The following MMAA variants were observed in gnomAD, a reference collection of about 807,000 sequenced individuals.
MMAA encodes methylmalonic aciduria type A protein, mitochondrial.
Under a neutral mutation model 45.0 loss-of-function variants are expected in MMAA, and 41 were observed. That is an observed-to-expected ratio of 0.91 (90% CI 0.71 to 1.18). The LOEUF (loss-of-function observed/expected upper bound fraction) is 1.18, where lower values mean the gene tolerates loss of function less well. MMAA is among the 50% of genes most tolerant of loss of function. MMAA has a pLI of 0.00. For synonymous variants in MMAA, 154 were observed against 178.2 expected, an observed-to-expected ratio of 0.86 and a Z score of 1.08; for missense variants, 460 against 495.7, an observed-to-expected ratio of 0.93 and a Z score of 0.68.
chr4:145,624,183 T>C, intron 1 of MMAA: 2 of 885,866 alleles, frequency 2.3e-6, no homozygotes, highest in Admixed American at 3.4e-5. Context: ...GAGTTTGATA[T>C]AACCACTTCT....
chr4:145,648,846 C>T (rs978730345), intron 4 of MMAA, among the ~76,000 whole-genome samples: 19 of 152,022 alleles, frequency 1.2e-4, no homozygotes, highest in African/African-American at 4.6e-4. Flanking sequence ...ATTAGCTGGG[C>T]ATGGTGGCAT....
intron 1 of MMAA, among the ~76,000 whole-genome samples, chr4:145,636,787 C>T (rs149738151): frequency 7.5e-4 from 114 of 152,242 alleles, no homozygotes; most frequent in African/African-American, 2.6e-3. Flanking sequence ...TTTGATGTCA[C>T]GTATTTTATT....
intron 1 of MMAA, chr4:145,625,021 C>T: frequency 2.2e-6 from 2 of 920,422 alleles, no homozygotes; most frequent in Non-Finnish European, 1.8e-6. Context: ...TATTATAGGA[C>T]TGGAACAAGA....
chr4:145,654,995 G>T lies in MMAA; in HGVS notation c.970-152G>T, dbSNP rs974443834. ...GGTATATTACCTCAGAATATATATTGGTATATTTACTTTGACACAGCAATA... is the reference window on the plus strand; with the variant it reads ...GGTATATTACCTCAGAATATATATTTGTATATTTACTTTGACACAGCAATA... On this transcript the variant is annotated intron_variant, in intron 6 of 6. Transcript: ENST00000649156. The T allele has an allele frequency of 6.4e-5, 48 of 751,266 alleles. No individual in the cohort carries two copies. In the African/African-American group the frequency reaches 6.5e-4, roughly 10 times the overall value. 46.5% of individuals were successfully genotyped at this position (751,266 alleles called of 1,614,324 possible). A position where few individuals can be genotyped will look rare whatever the true frequency, so the allele number is the denominator to read the frequency against.
rs1209585004 is a variant in MMAA at position 145,655,317 on chromosome 4, G to A, written c.1140G>A (p.Arg380=). ...LIQESVLEHF[R]THPTVREQIP... ...AGGAAAGTGTGTTAGAGCATTTCAG[G>A]ACCCACCCCACAGTCCGGGAACAGA... The change falls in exon 7 of 7, where the codon AGG becomes AGA. Residue 380 remains arginine (R), a synonymous_variant. Transcript: ENST00000649156. 12 of 1,614,130 alleles carry A rather than the reference G, an allele frequency of 7.4e-6. No individual in the cohort carries two copies. The highest frequency in any genetic ancestry group is 1.0e-5 in the Non-Finnish European group (12 of 1,180,020).
At chr4:145,648,389 G>A (rs1482834730) in intron 4 of MMAA, among the ~76,000 whole-genome samples, 5 of 151,962 alleles carry the variant, frequency 3.3e-5, no homozygotes, top group African/African-American at 1.2e-4. Flanking sequence ...CTTGTGATCC[G>A]CCCGCCTCGG....
intron 1 of MMAA, among the ~76,000 whole-genome samples, chr4:145,635,055 C>T (rs1312274885): frequency 6.6e-6 from 1 of 152,074 alleles, no homozygotes; most frequent in Non-Finnish European, 1.5e-5. Flanking sequence ...TTTGCTGCTC[C>T]AGCTGGTGTC....
chr4:145,656,414 T>A lies in MMAA; in HGVS notation c.*980T>A, dbSNP rs1180274966. On this transcript the variant is annotated 3_prime_UTR_variant, in exon 7 of 7. Transcript: ENST00000649156. ...GAGCTAATCTCTTTAAGCTTCCATTTCCTCCCTGGTAAAATGAAATTGGCA... is the reference window on the plus strand; with the variant it reads ...GAGCTAATCTCTTTAAGCTTCCATTACCTCCCTGGTAAAATGAAATTGGCA... 2 of 152,138 alleles carry A rather than the reference T, an allele frequency of 1.3e-5. No individual in the cohort carries two copies. The highest frequency in any genetic ancestry group is 2.9e-5 in the Non-Finnish European group (2 of 68,010). The allele number at this position is 152,138 out of a possible 1,614,324, so 9.4% of individuals were successfully genotyped here.
In MMAA at chr4:145,634,888, C is replaced by G. The variant is rs374899966; in HGVS notation, c.-65-4187C>G. On this transcript the variant is annotated intron_variant, in intron 1 of 6. Transcript: ENST00000649156. ...TGGAAGGGGGACCTCATGACTCTAACTGGTGCCCCATCCTGCTGTGACTGA... is the reference window on the plus strand; with the variant it reads ...TGGAAGGGGGACCTCATGACTCTAAGTGGTGCCCCATCCTGCTGTGACTGA... 9.9e-5 allele frequency among the ~76,000 whole-genome samples: 15 copies of G among 152,074 alleles called. No homozygotes were observed. In the East Asian group the frequency reaches 1.8e-3, roughly 18 times the overall value.
At chr4:145,646,246 A>G in intron 4 of MMAA, 90 bp downstream of exon 4, 2 of 1,436,416 alleles carry the variant, frequency 1.4e-6, no homozygotes, top group South Asian at 1.2e-5. Context: ...CATTCAGCAG[A>G]TATTTGCTAA....
chr4:145,642,990 C>T (rs1727828879), intron 3 of MMAA, among the ~76,000 whole-genome samples: 1 of 152,202 alleles, frequency 6.6e-6, no homozygotes, highest in Non-Finnish European at 1.5e-5. Flanking sequence ...CTGTAATATA[C>T]TGCCATTCCC....
intron 1 of MMAA, among the ~76,000 whole-genome samples, chr4:145,621,598 G>T (rs1443911889): frequency 6.6e-6 from 1 of 152,136 alleles, no homozygotes; most frequent in Non-Finnish European, 1.5e-5. Context: ...TGGTTGGGGG[G>T]GGTGGAATAT....
At chr4:145,625,130 T>C (rs1219314807) in intron 1 of MMAA, 1 of 1,191,062 alleles carries the variant, frequency 8.4e-7, no homozygotes, top group Non-Finnish European at 1.2e-6. Context: ...GTTCATCTCA[T>C]CTCGATCAGG....
At chr4:145,648,706 C>T (rs549559851) in intron 4 of MMAA, among the ~76,000 whole-genome samples, 4 of 152,290 alleles carry the variant, frequency 2.6e-5, no homozygotes, top group Admixed American at 6.5e-5. Context: ...AGACCTAGAG[C>T]GGGCATTGTG....
rs944377457 is a variant in MMAA, at chr4:145,639,788, A to G, written c.439+210A>G. On this transcript the variant is annotated intron_variant, in intron 2 of 6. Transcript: ENST00000649156. ...TTGAACCAAGGCTATGTATTTTAAG[A>G]AAATAATATAAGATTTTTACTTTGG... The G allele has an allele frequency of 7.1e-6, 7 of 984,186 alleles. No homozygotes were observed. The African/African-American group carries it at 1.0e-4, about 15-fold the overall frequency. The allele number at this position is 984,186 out of a possible 1,614,324, so 61.0% of individuals were successfully genotyped here. A position where few individuals can be genotyped will look rare whatever the true frequency, so the allele number is the denominator to read the frequency against.
At chr4:145,628,753 T>A (rs1734256653) in intron 1 of MMAA, among the ~76,000 whole-genome samples, 1 of 152,196 alleles carries the variant, frequency 6.6e-6, no homozygotes, top group Admixed American at 6.5e-5. Flanking sequence ...TTATTCTGCC[T>A]ATCATAGTAA....
Position 145,655,537 on chromosome 4 carries a change from C to A in MMAA, c.*103C>A. 8.9e-7 allele frequency: 1 copy of A among 1,121,556 alleles called. No homozygotes were observed. The highest frequency in any genetic ancestry group is 1.2e-6 in the Non-Finnish European group (1 of 800,836). 69.5% of individuals were successfully genotyped at this position (1,121,556 alleles called of 1,614,324 possible). ...TTTTCAGTAATTATTGTATGGTGCT[C>A]TTGTCTTCTTTGTTTGTGACCCATG... On this transcript the variant is annotated 3_prime_UTR_variant, in exon 7 of 7. Transcript: ENST00000649156.
chr4:145,637,866 C>G (rs1406796629), intron 1 of MMAA, among the ~76,000 whole-genome samples: 3 of 152,176 alleles, frequency 2.0e-5, no homozygotes. Context: ...CTCTCACAAC[C>G]ACTCTGCTTT....
intron 1 of MMAA, among the ~76,000 whole-genome samples, chr4:145,629,323 G>A (rs983632193): frequency 1.3e-5 from 2 of 151,948 alleles, no homozygotes; most frequent in Admixed American, 6.6e-5. Flanking sequence ...GTAGAGACAG[G>A]GTTTCACCAT....
Sources: allele counts gnomAD v4.1 joint callset (sites outside exome capture counted in the v4.1 genomes callset), GRCh38; gene constraint gnomAD v4.1.1; transcripts MANE v1.5; gene names NCBI Gene and HGNC (gene_info 2026-07-23, HGNC 2026-07-21).